Variants in MED14 observed in about 807,000 individuals in gnomAD.
MED14 encodes mediator of RNA polymerase II transcription subunit 14.
Under a neutral mutation model 109.0 loss-of-function variants are expected in MED14, and 8 were observed. That is an observed-to-expected ratio of 0.07 (90% confidence interval 0.04 to 0.13). MED14 has a LOEUF of 0.13. Ranked by LOEUF, MED14 falls within the 10% of genes least tolerant of loss-of-function variation. MED14 has a pLI of 1.00. For synonymous variants in MED14, 399 were observed against 408.7 expected (o/e 0.98, Z 0.29); for missense variants, 711 against 1,142.4 (o/e 0.62, Z 5.44).
At chrX:40,655,697 C>T (rs1929031187) in intron 28 of MED14, among the ~76,000 whole-genome samples, 1 of 112,180 alleles carries the variant, frequency 8.9e-6, no homozygotes, top group African/African-American at 3.2e-5. Flanking sequence ...TAAATATTTA[C>T]TCCTTTAAAA....
At chrX:40,693,012 A>T (rs1358862881) in intron 13 of MED14, 110 bp from the exon 14 acceptor site, 8 of 189,981 alleles carry the variant, frequency 4.2e-5, no homozygotes, top group East Asian at 3.1e-4. Context: ...TAGATGTCTT[A>T]AAAAAAAAAA....
At chrX:40,708,670 T>A (rs1009335493) in intron 10 of MED14, among the ~76,000 whole-genome samples, 1 of 112,198 alleles carries the variant, frequency 8.9e-6, no homozygotes, top group Admixed American at 9.4e-5. Flanking sequence ...CGAACCTATA[T>A]TCCCAGAATG....
chrX:40,678,021 A>G (rs1443244914), intron 21 of MED14, among the ~76,000 whole-genome samples: 1 of 111,397 alleles, frequency 9.0e-6, no homozygotes, highest in African/African-American at 3.3e-5. Flanking sequence ...GCTTTCAGGC[A>G]TATGTGATTT....
At chrX:40,724,996 C>T (rs1931848053) in intron 3 of MED14, among the ~76,000 whole-genome samples, 1 of 110,436 alleles carries the variant, frequency 9.1e-6, no homozygotes, top group Non-Finnish European at 1.9e-5. Flanking sequence ...ACTAATACCA[C>T]AGAAATTCAA....
chrX:40,716,147 T>G (rs999008371), intron 3 of MED14, among the ~76,000 whole-genome samples: 1 of 111,256 alleles, frequency 9.0e-6, no homozygotes, highest in Non-Finnish European at 1.9e-5. Flanking sequence ...CAATGAGATA[T>G]CATCTCACCC....
rs759542232 is a variant in MED14 at position 40,666,676 on chromosome X, A to C, written c.3265+44T>G. On this transcript the variant is annotated intron_variant, in intron 24 of 30. Transcript: ENST00000324817. ...AATTTACTCAACAAAAATTATTTTC[A>C]CATCAAGCTCTTATGCTATATCGAT... is the stretch of plus-strand genomic sequence containing the variant. The C allele has an allele frequency of 2.5e-6, 3 of 1,181,347 alleles. No individual in the cohort carries two copies. The South Asian group carries it at 5.6e-5, about 22-fold the overall frequency.
intron 3 of MED14, 54 bp downstream of exon 3, chrX:40,726,692 T>A: frequency 3.1e-6 from 3 of 982,518 alleles, no homozygotes; most frequent in Middle Eastern, 3.0e-4. Context: ...ACTATGTCTA[T>A]CATAACATTC....
intron 7 of MED14, among the ~76,000 whole-genome samples, chrX:40,711,543 T>C (rs753373126): frequency 8.9e-6 from 1 of 111,969 alleles, no homozygotes; most frequent in South Asian, 3.7e-4. Flanking sequence ...CTGGGTTGTG[T>C]CTTAATTCAT....
Position 40,681,833 on chromosome X carries a change from G to C in MED14, c.2457+19C>G. ...TAAGATTCATAAGACAGGAACTTCA[G>C]CATTTTAATCAGACTTACTGAGCTT... On this transcript the variant is annotated intron_variant, in intron 19 of 30. Transcript: ENST00000324817. The C allele has an allele frequency of 1.1e-6, 1 of 901,906 alleles. No homozygotes were observed. Among genetic ancestry groups the C allele is most frequent in the Non-Finnish European group, 1.5e-6 (1 of 649,395 alleles). 74.3% of individuals were successfully genotyped at this position (901,906 alleles called of 1,213,427 possible). A position where few individuals can be genotyped will look rare whatever the true frequency, so the allele number is the denominator to read the frequency against.
intron 26 of MED14, 131 bp from the exon 27 acceptor site, chrX:40,659,738 C>T: frequency 1.8e-6 from 1 of 544,522 alleles, no homozygotes; most frequent in East Asian, 3.7e-5. Context: ...CAGCATTGAG[C>T]ATCAGCTGCT....
rs143778799 is a variant in MED14 at position 40,716,218 on chromosome X, G to A, written c.349-1508C>T. Among the ~76,000 whole-genome samples, 761 of 111,422 alleles carry A rather than the reference G, an allele frequency of 6.8e-3. 5 individuals are homozygous for A. The highest frequency in any genetic ancestry group is 0.024 in the African/African-American group (724 of 30,666). On this transcript the variant is annotated intron_variant, in intron 3 of 30. Transcript: ENST00000324817. ...AACAGATGCTTGTGAGGATGTGGAA[G>A]AAGGGGAACCCTCACGCTGTTGGTG...
At chrX:40,708,643 T>C (rs1377589653) in intron 10 of MED14, among the ~76,000 whole-genome samples, 2 of 112,062 alleles carry the variant, frequency 1.8e-5, no homozygotes, top group Non-Finnish European at 3.8e-5. Flanking sequence ...ATAGTAAATA[T>C]GCCCATTATG....
At chrX:40,681,234 C>T (rs1930102347) in intron 19 of MED14, among the ~76,000 whole-genome samples, 1 of 111,546 alleles carries the variant, frequency 9.0e-6, no homozygotes, top group Non-Finnish European at 1.9e-5. Context: ...ACTTTTGGTA[C>T]CATCAACTAA....
rs1555986146 is a variant in MED14, at chrX:40,651,754, AT to A, written c.*51del. 1.2e-5 allele frequency: 13 copies of A among 1,121,044 alleles called. No homozygotes were observed. The highest frequency in any genetic ancestry group is 4.8e-5 in the South Asian group (2 of 41,244). The allele number at this position is 1,121,044 out of a possible 1,213,427, so 92.4% of individuals were successfully genotyped here. ...TTTTTAAACTGAAGGCTGAATTCAG[AT>A]TTTTTTTGTTGTCTCATCTGTCAGC... On this transcript the variant is annotated 3_prime_UTR_variant, in exon 31 of 31. Coordinates refer to ENST00000324817, the MANE Select transcript of MED14 (RefSeq NM_004229.4).
intron 10 of MED14, among the ~76,000 whole-genome samples, chrX:40,705,731 T>C (rs1321948784): frequency 9.0e-6 from 1 of 111,033 alleles, no homozygotes; most frequent in African/African-American, 3.3e-5. Flanking sequence ...GTGTGAAGAG[T>C]GAAGAGCGGC....
chrX:40,694,036 T>TAC (rs1930636100), intron 13 of MED14, among the ~76,000 whole-genome samples: 1 of 110,728 alleles, frequency 9.0e-6, no homozygotes, highest in African/African-American at 3.3e-5. Context: ...CAGCTGGGAT[T>TAC]ACAGGTGTGT....
At chrX:40,666,306 A>G (rs1929477553) in intron 24 of MED14, among the ~76,000 whole-genome samples, 1 of 111,080 alleles carries the variant, frequency 9.0e-6, no homozygotes, top group African/African-American at 3.3e-5. Flanking sequence ...AATCAATTCA[A>G]AATAAAATTT....
intron 3 of MED14, among the ~76,000 whole-genome samples, chrX:40,721,167 T>C (rs774171943): frequency 3.6e-5 from 4 of 110,993 alleles, no homozygotes; most frequent in East Asian, 5.8e-4. Context: ...TCAGCCAAAG[T>C]GCGGTAGAGC....
At position 40,709,423 on chromosome X, in the gene MED14, T is replaced by C; in HGVS notation, c.1210A>G (p.Ser404Gly). 1 of 1,141,702 alleles carries C rather than the reference T, an allele frequency of 8.8e-7. No homozygotes were observed. Among genetic ancestry groups the C allele is most frequent in the Non-Finnish European group, 1.2e-6 (1 of 850,599 alleles). 94.1% of individuals were successfully genotyped at this position (1,141,702 alleles called of 1,213,427 possible). Residue 404 changes from serine (S) to glycine (G), a missense_variant, in exon 10 of 31, where the codon AGT (serine) becomes GGT (glycine). Coordinates refer to ENST00000324817, the MANE Select transcript of MED14 (RefSeq NM_004229.4). ...HLSIEKLLID[S>G]VHARAHQKLQ... ...TTCTGATGAGCTCTTGCATGGACAC[T>C]GTCAATCAGGAGTTTTTCTATTGAT...
Sources: gnomAD v4.1 joint callset for allele counts (sites outside exome capture counted in the v4.1 genomes callset) on GRCh38, gnomAD v4.1.1 for gene constraint, MANE v1.5 for transcripts, NCBI Gene and HGNC (gene_info 2026-07-23, HGNC 2026-07-21) for gene names.